QTMAN: variants seen among roughly 807,000 people sequenced by gnomAD.
QTMAN encodes the protein tRNA-queuosine alpha-mannosyltransferase.
At chr2:144,090,917 G>C in the QTMAN span, among the ~76,000 whole-genome samples, 1 of 151,846 alleles carries the variant, frequency 6.6e-6, no homozygotes, top group Non-Finnish European at 1.5e-5. Context: ...GAAAAAATTT[G>C]GGGGACTCAC....
chr2:144,187,504 G>A, the QTMAN span, among the ~76,000 whole-genome samples: 5 of 152,054 alleles, frequency 3.3e-5, no homozygotes, highest in South Asian at 2.1e-4. Flanking sequence ...CACTTTCCAC[G>A]CTACCACATT....
chr2:143,960,132 C>T, the QTMAN span, among the ~76,000 whole-genome samples: 1 of 152,058 alleles, frequency 6.6e-6, no homozygotes, highest in Non-Finnish European at 1.5e-5. Context: ...TTTGAAAACA[C>T]AGCTGTACTA....
chr2:144,312,106 G>C, the QTMAN span, among the ~76,000 whole-genome samples: 1 of 151,820 alleles, frequency 6.6e-6, no homozygotes, highest in Non-Finnish European at 1.5e-5. Flanking sequence ...CTTCACAGCA[G>C]AGGGGTCATC....
chr2:144,118,109 G>T, the QTMAN span, among the ~76,000 whole-genome samples: 1 of 152,290 alleles, frequency 6.6e-6, no homozygotes, highest in South Asian at 2.1e-4. Flanking sequence ...GCCTCCCAAA[G>T]TGCTGGGATT....
chr2:144,196,823 G>A, the QTMAN span, among the ~76,000 whole-genome samples: 1 of 152,142 alleles, frequency 6.6e-6, no homozygotes, highest in South Asian at 2.1e-4. Flanking sequence ...TTTTCACTCT[G>A]AGATCTAGCA....
the QTMAN span, among the ~76,000 whole-genome samples, chr2:144,118,690 T>C: frequency 3.3e-5 from 5 of 152,094 alleles, no homozygotes; most frequent in Non-Finnish European, 5.9e-5. Flanking sequence ...AAGACCATCC[T>C]GGCTAACATG....
the QTMAN span, among the ~76,000 whole-genome samples, chr2:144,156,358 C>G: frequency 6.6e-6 from 1 of 152,036 alleles, no homozygotes; most frequent in Non-Finnish European, 1.5e-5. Flanking sequence ...AACATCAAAA[C>G]TAGCAAACTG....
chr2:144,057,355 TGTTA>T, the QTMAN span, among the ~76,000 whole-genome samples: 1 of 152,324 alleles, frequency 6.6e-6, no homozygotes, highest in East Asian at 1.9e-4. Flanking sequence ...GGTTTAAACT[TGTTA>T]TTTATCAAGT....
the QTMAN span, among the ~76,000 whole-genome samples, chr2:144,221,491 G>A: frequency 2.6e-5 from 4 of 152,128 alleles, no homozygotes; most frequent in African/African-American, 4.8e-5. Context: ...ATCATAATAC[G>A]AGAGAAAGAG....
At chr2:144,270,762 T>C in the QTMAN span, among the ~76,000 whole-genome samples, 1 of 152,158 alleles carries the variant, frequency 6.6e-6, no homozygotes, top group Non-Finnish European at 1.5e-5. Context: ...CCATGGCACA[T>C]GTATACCTTT....
At chr2:144,118,951 G>A in the QTMAN span, among the ~76,000 whole-genome samples, 3 of 152,144 alleles carry the variant, frequency 2.0e-5, no homozygotes, top group Non-Finnish European at 1.5e-5. Flanking sequence ...AAAGGACTCA[G>A]CAACTTTGGG....
the QTMAN span, among the ~76,000 whole-genome samples, chr2:144,118,430 G>A: frequency 1.3e-5 from 2 of 151,992 alleles, no homozygotes; most frequent in Non-Finnish European, 2.9e-5. Context: ...GTATCTCTCT[G>A]GCTATTACCG....
chr2:143,987,417 G>T, the QTMAN span, among the ~76,000 whole-genome samples: 1 of 152,188 alleles, frequency 6.6e-6, no homozygotes, highest in African/African-American at 2.4e-5. Context: ...CTCAGGAACT[G>T]GGAAGTAACA....
At chr2:144,299,518 T>C in the QTMAN span, among the ~76,000 whole-genome samples, 1,396 of 152,344 alleles carry the variant, frequency 9.2e-3, 11 homozygotes, top group Non-Finnish European at 0.012. Context: ...GCTAAAAGTT[T>C]CTCACATGTA....
At chr2:144,117,003 G>A in the QTMAN span, among the ~76,000 whole-genome samples, 1 of 152,178 alleles carries the variant, frequency 6.6e-6, no homozygotes, top group East Asian at 1.9e-4. Context: ...CTCATGTGAA[G>A]CAGTCAGTGA....
the QTMAN span, among the ~76,000 whole-genome samples, chr2:144,191,934 T>C: frequency 9.2e-5 from 14 of 152,312 alleles, no homozygotes; most frequent in East Asian, 1.9e-3. Context: ...AATAATAGAA[T>C]ACTGTTTTGC....
the QTMAN span, among the ~76,000 whole-genome samples, chr2:144,074,186 C>T: frequency 6.6e-6 from 1 of 152,096 alleles, no homozygotes; most frequent in Non-Finnish European, 1.5e-5. Context: ...AGTTAAAATA[C>T]TGACATGATT....
chr2:143,984,886 T>C, the QTMAN span, among the ~76,000 whole-genome samples: 1 of 152,260 alleles, frequency 6.6e-6, no homozygotes, highest in African/African-American at 2.4e-5. Flanking sequence ...AATAAAGTCC[T>C]CCACATTTAC....
chr2:144,295,888 C>T, the QTMAN span, among the ~76,000 whole-genome samples: 1 of 152,192 alleles, frequency 6.6e-6, no homozygotes, highest in Admixed American at 6.5e-5. Context: ...GCATGAACCA[C>T]TGAGCCTGGC....
Sources: gnomAD v4.1 joint callset for allele counts (sites outside exome capture counted in the v4.1 genomes callset) on GRCh38, gnomAD v4.1.1 for gene constraint, MANE v1.5 for transcripts, NCBI Gene and HGNC (gene_info 2026-07-23, HGNC 2026-07-21) for gene names.